The following SH3TC2 variants were observed in gnomAD, a reference collection of about 807,000 sequenced individuals.
SH3TC2 encodes SH3 domain and tetratricopeptide repeats 2.
Under a neutral mutation model 124.5 loss-of-function variants are expected in SH3TC2, and 87 were observed. The observed-to-expected ratio is 0.70, with a 90% CI of 0.59 to 0.84. The LOEUF is 0.84. SH3TC2 is among the 40% of genes least tolerant of loss of function. SH3TC2 has a pLI of 0.00. For synonymous variants in SH3TC2, 634 were observed against 628.5 expected (o/e 1.01, Z -0.13); for missense variants, 1,536 against 1,566.4 (o/e 0.98, Z 0.33).
rs1024137777 is a variant in SH3TC2, at chr5:148,992,237, T to C, written c.*12474A>G. 1.3e-5 allele frequency among the ~76,000 whole-genome samples: 2 copies of C among 152,242 alleles called. No homozygotes were observed. The highest frequency in any genetic ancestry group is 4.8e-5 in the African/African-American group (2 of 41,464). Reference sequence around the variant, plus strand: ...TGGTTAAGTGCCTTGCCCAAGGTCATGCACACAGTGGGGATTTTTACCCAG... The same window carrying C: ...TGGTTAAGTGCCTTGCCCAAGGTCACGCACACAGTGGGGATTTTTACCCAG... On this transcript the variant is annotated 3_prime_UTR_variant, in exon 17 of 17. Transcript: ENST00000515425.
At chr5:149,009,876 C>T (rs2127392751) in intron 14 of SH3TC2, among the ~76,000 whole-genome samples, 1 of 152,092 alleles carries the variant, frequency 6.6e-6, no homozygotes, top group African/African-American at 2.4e-5. Context: ...TATGATCAAA[C>T]AAAAGCATTC....
intron 8 of SH3TC2, 122 bp downstream of exon 8, chr5:149,038,173 T>C (rs1754314108): frequency 1.2e-6 from 1 of 839,344 alleles, no homozygotes; most frequent in African/African-American, 1.7e-5. Context: ...TGTCAGCATG[T>C]GCTTTTCTGG....
In SH3TC2 at chr5:149,028,040, G is replaced by A. The variant is rs780205528; in HGVS notation, c.1692C>T (p.Asp564=). ...AIHILNGAFE[D]LSLVATLYIN... Reference sequence around the variant, plus strand: ...TGTACAGAGTGGCCACCAAGGATAGGTCCTCAAATGCTCCATTGAGAATGT... The same window carrying A: ...TGTACAGAGTGGCCACCAAGGATAGATCCTCAAATGCTCCATTGAGAATGT... Residue 564 remains aspartate (D), a synonymous_variant, in exon 11 of 17, where the codon GAC becomes GAT. Transcript: ENST00000515425. 7.4e-6 allele frequency: 12 copies of A among 1,614,000 alleles called. No homozygotes were observed. In the African/African-American group the frequency reaches 1.6e-4, roughly 22 times the overall value.
At chr5:149,010,082 T>C (rs1753758286) in intron 14 of SH3TC2, among the ~76,000 whole-genome samples, 188 bp downstream of exon 14, 1 of 152,134 alleles carries the variant, frequency 6.6e-6, no homozygotes, top group African/African-American at 2.4e-5. Flanking sequence ...AATGACTAAG[T>C]TTATCAGAAC....
chr5:149,004,539 C>T lies in SH3TC2; in HGVS notation c.*172G>A, dbSNP rs1008631604. On this transcript the variant is annotated 3_prime_UTR_variant, in exon 17 of 17. Coordinates refer to ENST00000515425, the MANE Select transcript of SH3TC2 (RefSeq NM_024577.4). Reference sequence around the variant, plus strand: ...AATTCTCATCGCTGCACCATCAAATCTTTCTGTGGCCTGCAATGAGCCCTT... The same window carrying T: ...AATTCTCATCGCTGCACCATCAAATTTTTCTGTGGCCTGCAATGAGCCCTT... 2.9e-6 allele frequency: 2 copies of T among 689,334 alleles called. No homozygotes were observed. Among genetic ancestry groups the T allele is most frequent in the East Asian group, 5.5e-5 (2 of 36,518 alleles). The allele number at this position is 689,334 out of a possible 1,614,324, so 42.7% of individuals were successfully genotyped here. A position where few individuals can be genotyped will look rare whatever the true frequency, so the allele number is the denominator to read the frequency against.
intron 12 of SH3TC2, 128 bp downstream of exon 12, chr5:149,026,444 G>T: frequency 9.0e-7 from 1 of 1,110,224 alleles, no homozygotes; most frequent in Non-Finnish European, 1.3e-6. Flanking sequence ...TGGCTGCAGA[G>T]CCCTTGCTCT....
At chr5:149,038,559 G>C (rs1754321498) in intron 7 of SH3TC2, 69 bp from the exon 8 acceptor site, 11 of 1,513,276 alleles carry the variant, frequency 7.3e-6, no homozygotes, top group Non-Finnish European at 1.0e-5. Context: ...ACCTTCCAAT[G>C]CAATAGAAAA....
intron 3 of SH3TC2, 78 bp downstream of exon 3, chr5:149,047,784 C>T (rs779726371): frequency 6.3e-7 from 1 of 1,585,988 alleles, no homozygotes; most frequent in Non-Finnish European, 8.6e-7. Context: ...GTTCCAGATG[C>T]TGTCTTAGAT....
intron 2 of SH3TC2, among the ~76,000 whole-genome samples, chr5:149,051,558 C>T (rs1349978307): frequency 1.3e-5 from 2 of 152,236 alleles, no homozygotes; most frequent in East Asian, 3.9e-4. Context: ...CTCAGGCAGT[C>T]CTCCCATCTC....
chr5:149,016,371 A>G (rs1167181197), intron 12 of SH3TC2, among the ~76,000 whole-genome samples: 1 of 152,156 alleles, frequency 6.6e-6, no homozygotes, highest in Non-Finnish European at 1.5e-5. Context: ...TTCATTTACC[A>G]CTTTAAAAGT....
intron 12 of SH3TC2, among the ~76,000 whole-genome samples, chr5:149,022,088 G>C (rs1314573866): frequency 6.6e-6 from 1 of 151,788 alleles, no homozygotes; most frequent in African/African-American, 2.4e-5. Flanking sequence ...CTCTATGAGG[G>C]ATCAAGAAGT....
chr5:149,033,778 T>C (rs1754237689), intron 8 of SH3TC2, among the ~76,000 whole-genome samples: 1 of 152,232 alleles, frequency 6.6e-6, no homozygotes, highest in African/African-American at 2.4e-5. Flanking sequence ...GTGTGGGATC[T>C]GAATTTACAC....
chr5:149,031,411 C>G lies in SH3TC2; in HGVS notation c.1135+143G>C. ...GAAATGCTGCTAATCAAATATGATT[C>G]AGGTCGTCAACAGAATAGTGGTCAT... is the stretch of plus-strand genomic sequence containing the variant. On this transcript the variant is annotated intron_variant, in intron 9 of 16. Transcript: ENST00000515425. 3.8e-6 allele frequency: 4 copies of G among 1,054,756 alleles called. 1 individual carries two copies. The highest frequency in any genetic ancestry group is 4.4e-6 in the Non-Finnish European group (3 of 683,952). The allele number at this position is 1,054,756 out of a possible 1,614,324, so 65.3% of individuals were successfully genotyped here. A position where few individuals can be genotyped will look rare whatever the true frequency, so the allele number is the denominator to read the frequency against.
At chr5:149,017,877 T>C (rs1342616001) in intron 12 of SH3TC2, among the ~76,000 whole-genome samples, 1 of 152,256 alleles carries the variant, frequency 6.6e-6, no homozygotes, top group East Asian at 1.9e-4. Flanking sequence ...ATGAGCCAAA[T>C]ACAGCTTTCA....
chr5:149,002,617 TG>T lies in SH3TC2; in HGVS notation c.*2093del, dbSNP rs1753616167. 6.6e-6 allele frequency: 1 copy of T among 152,326 alleles called. No homozygotes were observed. Among genetic ancestry groups the T allele is most frequent in the South Asian group, 2.1e-4 (1 of 4,816 alleles). The allele number at this position is 152,326 out of a possible 1,614,324, so 9.4% of individuals were successfully genotyped here. On this transcript the variant is annotated 3_prime_UTR_variant, in exon 17 of 17. Transcript: ENST00000515425. ...TCACCCTTTCATACAACCAATCATCTGGTCAGCCCAAGAAGCTAGAAATTAA... is the reference window on the plus strand; with the variant it reads ...TCACCCTTTCATACAACCAATCATCTGTCAGCCCAAGAAGCTAGAAATTAA...
intron 4 of SH3TC2, chr5:149,044,154 G>A (rs1288637613): frequency 4.3e-6 from 1 of 229,976 alleles, no homozygotes; most frequent in Non-Finnish European, 8.7e-6. Flanking sequence ...TGACTATGTT[G>A]AGCAGCTACT....
chr5:148,993,354 C>T lies in SH3TC2; in HGVS notation c.*11357G>A, dbSNP rs147502432. On this transcript the variant is annotated 3_prime_UTR_variant, in exon 17 of 17. Coordinates refer to ENST00000515425, the MANE Select transcript of SH3TC2 (RefSeq NM_024577.4). ...TTATTGTCAATAAATTATAAGCCAT[C>T]ATTGTAAAATTCCAAATGCAAAAGA... Among the ~76,000 whole-genome samples, 19 of 152,236 alleles carry T rather than the reference C, an allele frequency of 1.2e-4. No homozygotes were observed. In the East Asian group the frequency reaches 3.3e-3, roughly 26 times the overall value.
At position 149,041,598 on chromosome 5, in the gene SH3TC2, G is replaced by A. The variant is rs147013935; in HGVS notation, c.549C>T (p.Ala183=). 94 of 1,614,040 alleles carry A rather than the reference G, an allele frequency of 5.8e-5. No individual in the cohort carries two copies. Among genetic ancestry groups the A allele is most frequent in the Admixed American group, 1.8e-4 (11 of 59,986 alleles). ...CGGCTGGTGGAGTCACGGAGCACAG[G>A]GCTCTGCAGAAGAAGTGGCCTGTGG... ...LIQEGHFFCR[A]LCSVTPPAEK... Residue 183 remains alanine (A), a synonymous_variant, in exon 6 of 17, where the codon GCC becomes GCT. Coordinates refer to ENST00000515425, the MANE Select transcript of SH3TC2 (RefSeq NM_024577.4).
chr5:149,047,711 T>A, intron 3 of SH3TC2, 151 bp downstream of exon 3: 1 of 1,040,902 alleles, frequency 9.6e-7, no homozygotes, highest in Middle Eastern at 2.7e-4. Context: ...GTGCAGAGAA[T>A]GTGCACGGAA....
Sources: allele counts gnomAD v4.1 joint callset (sites outside exome capture counted in the v4.1 genomes callset), GRCh38; gene constraint gnomAD v4.1.1; transcripts MANE v1.5; gene names NCBI Gene and HGNC (gene_info 2026-07-23, HGNC 2026-07-21).